Variants in CCDC102B observed in about 807,000 individuals in gnomAD.
The protein encoded by CCDC102B is coiled-coil domain-containing protein 102B.
In CCDC102B, 75 loss-of-function variants were observed where a neutral mutation model predicts 57.4. The ratio of observed to expected loss-of-function variants is 1.31; its 90% CI spans 1.08 to 1.58. The LOEUF (loss-of-function observed/expected upper bound fraction) is 1.58. Among genes scored for constraint, CCDC102B ranks in the 40% most tolerant of loss-of-function variants. CCDC102B has a pLI of 0.00. For synonymous variants in CCDC102B, 206 were observed against 201.9 expected (o/e 1.02, Z -0.17); for missense variants, 636 against 582.6 (o/e 1.09, Z -0.94).
At chr18:68,810,774 G>A (rs1469960151) in intron 1 of CCDC102B, among the ~76,000 whole-genome samples, 1 of 144,832 alleles carries the variant, frequency 6.9e-6, no homozygotes, top group African/African-American at 2.5e-5. Context: ...ACGTGCCATG[G>A]TGGTTTGCTG....
chr18:68,883,067 A>C (rs906070867), intron 5 of CCDC102B, among the ~76,000 whole-genome samples: 9 of 151,956 alleles, frequency 5.9e-5, no homozygotes, highest in Non-Finnish European at 1.3e-4. Context: ...TGTTTAACAA[A>C]CCCCCATGAC....
intron 6 of CCDC102B, among the ~76,000 whole-genome samples, chr18:68,961,021 C>T (rs989470737): frequency 5.3e-5 from 8 of 152,108 alleles, no homozygotes; most frequent in African/African-American, 1.9e-4. Flanking sequence ...TTCCAGTTGG[C>T]TTCTTATATA....
At chr18:68,805,903 C>T (rs1715090712) in intron 1 of CCDC102B, among the ~76,000 whole-genome samples, 1 of 152,088 alleles carries the variant, frequency 6.6e-6, no homozygotes, top group African/African-American at 2.4e-5. Flanking sequence ...ATTCCCATGC[C>T]AAGACTCTAC....
intron 6 of CCDC102B, among the ~76,000 whole-genome samples, chr18:68,977,799 G>A (rs1304332059): frequency 6.6e-6 from 1 of 151,970 alleles, no homozygotes; most frequent in Admixed American, 6.6e-5. Flanking sequence ...GTAAAATTCA[G>A]CATGAACATT....
chr18:69,052,398 G>A (rs1307197230), intron 7 of CCDC102B, among the ~76,000 whole-genome samples: 1 of 151,862 alleles, frequency 6.6e-6, no homozygotes, highest in Non-Finnish European at 1.5e-5. Flanking sequence ...GAGAAATTTA[G>A]TATCATAACA....
intron 6 of CCDC102B, among the ~76,000 whole-genome samples, chr18:68,901,640 A>G (rs945021892): frequency 7.9e-5 from 12 of 152,074 alleles, no homozygotes; most frequent in African/African-American, 9.7e-5. Context: ...TGGAATTGCA[A>G]TTTTCCACAT....
chr18:68,973,556 G>A (rs1293413179), intron 6 of CCDC102B, among the ~76,000 whole-genome samples: 2 of 152,040 alleles, frequency 1.3e-5, no homozygotes, highest in Non-Finnish European at 2.9e-5. Flanking sequence ...CTTAGAAATG[G>A]TGGTGGGTAC....
intron 5 of CCDC102B, among the ~76,000 whole-genome samples, chr18:68,885,900 C>T (rs888204833): frequency 6.6e-6 from 1 of 151,804 alleles, no homozygotes; most frequent in Non-Finnish European, 1.5e-5. Context: ...CAGTATTTCT[C>T]GGAAATGTGT....
At chr18:68,867,232 C>T (rs1414117382) in intron 4 of CCDC102B, among the ~76,000 whole-genome samples, 1 of 152,286 alleles carries the variant, frequency 6.6e-6, no homozygotes, top group Non-Finnish European at 1.5e-5. Context: ...CCTCGTGATC[C>T]GCCCGTCTCG....
chr18:68,858,202 A>G (rs2038570569), intron 4 of CCDC102B, among the ~76,000 whole-genome samples: 1 of 152,328 alleles, frequency 6.6e-6, no homozygotes, highest in South Asian at 2.1e-4. Context: ...CTAGAATTGT[A>G]TAAAAATGGA....
At chr18:68,811,996 A>G (rs1190039644) in intron 1 of CCDC102B, among the ~76,000 whole-genome samples, 1 of 152,192 alleles carries the variant, frequency 6.6e-6, no homozygotes, top group Admixed American at 6.5e-5. Context: ...AAAGTATAAG[A>G]TTCTCCTACC....
chr18:68,877,247 T>G (rs1036449925), intron 5 of CCDC102B, among the ~76,000 whole-genome samples: 1 of 152,158 alleles, frequency 6.6e-6, no homozygotes, highest in East Asian at 1.9e-4. Flanking sequence ...GTGATGTGAG[T>G]GGGAAAAGAA....
chr18:68,755,373 C>T (rs1210426829), intron 2 of CCDC102B, among the ~76,000 whole-genome samples: 1 of 152,074 alleles, frequency 6.6e-6, no homozygotes, highest in Non-Finnish European at 1.5e-5. Context: ...TGTGGGCAGG[C>T]TCAAGCACTG....
chr18:68,867,178 G>A (rs542888862), intron 4 of CCDC102B: 14 of 158,426 alleles, frequency 8.8e-5, no homozygotes, highest in Non-Finnish European at 1.2e-4. Context: ...AGTAGCAGTA[G>A]ATCATAGTAG....
intron 7 of CCDC102B, among the ~76,000 whole-genome samples, chr18:69,043,659 A>G (rs1222451736): frequency 6.6e-6 from 1 of 152,160 alleles, no homozygotes; most frequent in African/African-American, 2.4e-5. Context: ...AGTTTGACAC[A>G]GCACATGTTT....
intron 2 of CCDC102B, among the ~76,000 whole-genome samples, chr18:68,777,812 T>TCAGATA (rs2034876301): frequency 6.6e-6 from 1 of 152,174 alleles, no homozygotes; most frequent in East Asian, 1.9e-4. Context: ...CCTAAATATG[T>TCAGATA]CAGATACAGT....
At chr18:68,999,631 TG>T (rs975257869) in intron 6 of CCDC102B, among the ~76,000 whole-genome samples, 29 of 152,052 alleles carry the variant, frequency 1.9e-4, no homozygotes, top group Non-Finnish European at 3.5e-4. Flanking sequence ...TTGTTTGTTT[TG>T]TTTTTAAGAA....
At chr18:68,741,853 A>T (rs1302751733) in intron 2 of CCDC102B, among the ~76,000 whole-genome samples, 2 of 152,174 alleles carry the variant, frequency 1.3e-5, no homozygotes, top group Non-Finnish European at 2.9e-5. Context: ...GAGGTCAGTG[A>T]TGGGGAAGGA....
At chr18:68,989,533 G>T (rs760053323) in intron 6 of CCDC102B, among the ~76,000 whole-genome samples, 1 of 152,184 alleles carries the variant, frequency 6.6e-6, no homozygotes, top group African/African-American at 2.4e-5. Flanking sequence ...ATTACTGGAT[G>T]TTAACAATGG....
Sources: gnomAD v4.1 joint callset for allele counts (sites outside exome capture counted in the v4.1 genomes callset) on GRCh38, gnomAD v4.1.1 for gene constraint, MANE v1.5 for transcripts, NCBI Gene and HGNC (gene_info 2026-07-23, HGNC 2026-07-21) for gene names.